The following KIAA1671 variants were observed in gnomAD, a reference collection of about 807,000 sequenced individuals.
KIAA1671 encodes the protein uncharacterized protein KIAA1671.
A neutral mutation model predicts 131.2 loss-of-function variants in KIAA1671; 52 were observed. That is an observed-to-expected ratio of 0.40 (90% CI 0.32 to 0.50). The LOEUF is 0.50. Ranked by LOEUF, KIAA1671 falls within the 20% of genes least tolerant of loss-of-function variation. The pLI, the probability that KIAA1671 is intolerant of heterozygous loss-of-function variation, is 0.73. For missense variants in KIAA1671, 2,360 were observed against 2,364.2 expected (o/e 1.00, Z 0.04); for synonymous variants, 1,003 against 961.6 (o/e 1.04, Z -0.80).
At chr22:24,993,362 TG>T (rs1401682752) in intron 1 of KIAA1671, among the ~76,000 whole-genome samples, 1 of 152,224 alleles carries the variant, frequency 6.6e-6, no homozygotes, top group African/African-American at 2.4e-5. Flanking sequence ...AGTCAGCCCA[TG>T]ATACTTCCCT....
rs181483887 is a variant in KIAA1671 at position 25,180,323 on chromosome 22, G to C, written c.5075-1376G>C. ...TGGGAGGCCGAGGTGGGTGGATCAC[G>C]AGGTCAGAAGATTGAGACCATTCTG... On this transcript the variant is annotated intron_variant, in intron 9 of 12. Coordinates refer to ENST00000358431, the MANE Select transcript of KIAA1671 (RefSeq NM_001145206.2). 1.0e-3 allele frequency among the ~76,000 whole-genome samples: 153 copies of C among 152,322 alleles called. 2 individuals are homozygous for C. The East Asian group carries it at 0.022, about 22-fold the overall frequency.
Position 25,029,289 on chromosome 22 carries a change from G to A in KIAA1671, c.1290G>A (p.Glu430=). 4 of 1,519,060 alleles carry A rather than the reference G, an allele frequency of 2.6e-6. No homozygotes were observed. The highest frequency in any genetic ancestry group is 3.5e-6 in the Non-Finnish European group (4 of 1,128,308). The allele number at this position is 1,519,060 out of a possible 1,614,324, so 94.1% of individuals were successfully genotyped here. The stretch of plus-strand genomic sequence containing the variant: ...ATGGGGAGGCCGCGGCAGGGGGAGA[G>A]TGGGCCTCCAGGAGGAGTGTCAGGA... The part of the protein sequence containing the change: ...VADGEAAAGG[E]WASRRSVRKC... The change falls in exon 3 of 13, where the codon GAG becomes GAA. Residue 430 remains glutamate, a synonymous_variant. Transcript: ENST00000358431.
intron 6 of KIAA1671, chr22:25,058,845 A>T (rs12167529): frequency 0.24 from 36,926 of 152,012 alleles, 6,612 homozygotes; most frequent in African/African-American, 0.51. Context: ...CCGGGCTGGG[A>T]TGACTCGAAG....
intron 6 of KIAA1671, among the ~76,000 whole-genome samples, chr22:25,085,059 G>A (rs1929632009): frequency 6.6e-6 from 1 of 152,242 alleles, no homozygotes; most frequent in South Asian, 2.1e-4. Flanking sequence ...ACAAGGGGAG[G>A]GGACATGGAC....
chr22:24,984,942 G>T (rs1456191991), intron 1 of KIAA1671, among the ~76,000 whole-genome samples: 1 of 146,494 alleles, frequency 6.8e-6, no homozygotes, highest in Non-Finnish European at 1.5e-5. Flanking sequence ...AAAAAAGCAG[G>T]CAAACAGCAA....
chr22:25,085,756 G>A (rs1031154175), intron 6 of KIAA1671, among the ~76,000 whole-genome samples: 1 of 127,414 alleles, frequency 7.8e-6, no homozygotes, highest in South Asian at 3.0e-4. Flanking sequence ...GAAGCAAACT[G>A]ATAAGTGGTG....
At position 25,163,232 on chromosome 22, in the gene KIAA1671, A is replaced by G. The variant is rs1441890768; in HGVS notation, c.4531-7588A>G. On this transcript the variant is annotated intron_variant, in intron 6 of 12. Coordinates refer to ENST00000358431, the MANE Select transcript of KIAA1671 (RefSeq NM_001145206.2). ...AGTCCCAGCTACTCAGGAGGCTAAG[A>G]TGGGAGGATCACTTAAGCCTGAGGA... Among the ~76,000 whole-genome samples, 3 of 148,378 alleles carry G rather than the reference A, an allele frequency of 2.0e-5. No homozygotes were observed. In the East Asian group the frequency reaches 6.3e-4, roughly 31 times the overall value.
chr22:25,149,691 A>G (rs1932972048), intron 6 of KIAA1671, among the ~76,000 whole-genome samples: 1 of 152,106 alleles, frequency 6.6e-6, no homozygotes, highest in Non-Finnish European at 1.5e-5. Context: ...TCACCTGGAC[A>G]GTGGTGGTGG....
intron 1 of KIAA1671, among the ~76,000 whole-genome samples, chr22:25,018,994 A>C (rs1925500581): frequency 6.6e-6 from 1 of 151,914 alleles, no homozygotes; most frequent in African/African-American, 2.4e-5. Flanking sequence ...TTTTATATTC[A>C]CAACACCAGC....
intron 6 of KIAA1671, among the ~76,000 whole-genome samples, chr22:25,140,533 T>C (rs1932792422): frequency 1.3e-5 from 2 of 152,148 alleles, no homozygotes; most frequent in African/African-American, 4.8e-5. Context: ...TAACATCCCA[T>C]CCCCTTTGCC....
chr22:25,154,788 CCATT>C lies in KIAA1671; in HGVS notation c.4531-16028_4531-16025del, dbSNP rs576405701. ...CCCCAACTCCAGAGGAAGAGAGACT[CCATT>C]CATGCTGAGCTTCCTATAGGCCCCA... On this transcript the variant is annotated intron_variant, in intron 6 of 12. Transcript: ENST00000358431. 1.2e-3 allele frequency among the ~76,000 whole-genome samples: 176 copies of C among 152,360 alleles called. 1 individual carries two copies. Among genetic ancestry groups the C allele is most frequent in the African/African-American group, 3.8e-3 (158 of 41,588 alleles).
At chr22:25,124,783 G>A (rs569706990) in intron 6 of KIAA1671, among the ~76,000 whole-genome samples, 43 of 152,288 alleles carry the variant, frequency 2.8e-4, no homozygotes, top group African/African-American at 1.0e-3. Context: ...TTGAGAGAGG[G>A]TCTCACTCTG....
At chr22:25,144,509 C>T (rs1490796861) in intron 6 of KIAA1671, among the ~76,000 whole-genome samples, 1 of 152,144 alleles carries the variant, frequency 6.6e-6, no homozygotes, top group East Asian at 1.9e-4. Flanking sequence ...CTTATTGAGG[C>T]CACAGGACAA....
At chr22:25,030,306 G>A (rs2145790348) in intron 3 of KIAA1671, among the ~76,000 whole-genome samples, 1 of 152,324 alleles carries the variant, frequency 6.6e-6, no homozygotes, top group African/African-American at 2.4e-5. Flanking sequence ...GGAGGCCGAG[G>A]CGGGTGGATC....
intron 1 of KIAA1671, among the ~76,000 whole-genome samples, chr22:24,956,077 C>T (rs1041883605): frequency 1.3e-5 from 2 of 151,872 alleles, no homozygotes; most frequent in African/African-American, 4.8e-5. Context: ...TGAGAGACCG[C>T]GGTGCGCGGT....
intron 1 of KIAA1671, chr22:25,024,725 T>G (rs2123895978): frequency 1.3e-5 from 2 of 152,332 alleles, no homozygotes; most frequent in African/African-American, 4.8e-5. Context: ...TATTTCTCTA[T>G]TCAGTAATCA....
In KIAA1671 at chr22:25,039,014, G is replaced by A. The variant is rs974243294; in HGVS notation, c.1884G>A (p.Ser628=). The change falls in exon 5 of 13, where the codon TCG becomes TCA. Residue 628 remains serine, a synonymous_variant. Coordinates refer to ENST00000358431, the MANE Select transcript of KIAA1671 (RefSeq NM_001145206.2). ...AGAGACACACAGTGGCTGACCAGTC[G>A]GGACGTTGTCTCTCCACCACACCCC... ...HVERHTVADQ[S]GRCLSTTPPG... 60 of 1,551,680 alleles carry A rather than the reference G, an allele frequency of 3.9e-5. No individual in the cohort carries two copies. The African/African-American group carries it at 4.5e-4, about 12-fold the overall frequency.
At chr22:25,191,788 A>C (rs756090883) in intron 12 of KIAA1671, among the ~76,000 whole-genome samples, 20 of 152,280 alleles carry the variant, frequency 1.3e-4, no homozygotes, top group Admixed American at 2.6e-4. Context: ...CCTTATCCAC[A>C]AAGCCAAATT....
chr22:25,090,138 A>G (rs1198188390), intron 6 of KIAA1671, among the ~76,000 whole-genome samples: 1 of 152,176 alleles, frequency 6.6e-6, no homozygotes. Context: ...AGCTCCTTAG[A>G]AGAAGTCTCT....
Sources: gnomAD v4.1 joint callset for allele counts (sites outside exome capture counted in the v4.1 genomes callset) on GRCh38, gnomAD v4.1.1 for gene constraint, MANE v1.5 for transcripts, NCBI Gene and HGNC (gene_info 2026-07-23, HGNC 2026-07-21) for gene names.